The following MRTFB variants were observed in gnomAD, a reference collection of about 807,000 sequenced individuals.
MRTFB encodes the protein myocardin-related transcription factor B.
MRTFB carries 29 observed loss-of-function variants against 104.2 expected under a neutral mutation model. The ratio of observed to expected loss-of-function variants is 0.28; its 90% CI spans 0.21 to 0.38. MRTFB has a LOEUF of 0.38. Ranked by LOEUF, MRTFB falls within the 10% of genes least tolerant of loss-of-function variation. The probability of loss-of-function intolerance (pLI) is 1.00; values close to 1 mark genes in which losing one functional copy is unlikely to be tolerated. For synonymous variants in MRTFB, 535 were observed against 519.5 expected (o/e 1.03, Z -0.41); for missense variants, 1,270 against 1,341.6 (o/e 0.95, Z 0.83).
At chr16:14,144,963 T>A (rs867733899) in intron 3 of MRTFB, among the ~76,000 whole-genome samples, 142 of 129,422 alleles carry the variant, frequency 1.1e-3, no homozygotes, top group Middle Eastern at 3.8e-3. Flanking sequence ...AAAAAAAAAA[T>A]AAATAAATAT....
At chr16:14,039,549 A>C in the MRTFB span, among the ~76,000 whole-genome samples, 2 of 152,000 alleles carry the variant, frequency 1.3e-5, no homozygotes, top group Non-Finnish European at 2.9e-5. Context: ...TATTTTTCTC[A>C]TTACCTTATC....
At chr16:14,065,758 T>G in the MRTFB span, among the ~76,000 whole-genome samples, 6 of 152,112 alleles carry the variant, frequency 3.9e-5, no homozygotes, top group Admixed American at 3.3e-4. Context: ...AAAAAAATTT[T>G]TTTTAATGTA....
At chr16:14,117,540 ATGTC>A (rs2036604094) in intron 2 of MRTFB, among the ~76,000 whole-genome samples, 2 of 152,232 alleles carry the variant, frequency 1.3e-5, no homozygotes, top group African/African-American at 4.8e-5. Context: ...GAAAGGGACA[ATGTC>A]TGTTGTGTTT....
rs1198145314 is a variant in MRTFB, at chr16:14,261,214, G to C, written c.3070G>C (p.Gly1024Arg). 7.4e-6 allele frequency: 12 copies of C among 1,614,154 alleles called. No homozygotes were observed. Among genetic ancestry groups the C allele is most frequent in the Non-Finnish European group, 1.0e-5 (12 of 1,180,024 alleles). Residue 1024 changes from glycine (G) to arginine (R), a missense_variant, in exon 17 of 17, where the codon GGT becomes CGT. By Grantham distance (125) the Gly-to-Arg change is moderately radical. Coordinates refer to ENST00000571589, the MANE Select transcript of MRTFB (RefSeq NM_001308142.2). ...DLQNDLLSHS[G>R]MLDHSHSPME... The stretch of plus-strand genomic sequence containing the variant: ...CCAGAATGATCTGCTGAGTCACTCA[G>C]GTATGCTGGACCATTCACACTCACC...
At chr16:14,208,912 G>T (rs1597253662) in intron 3 of MRTFB, among the ~76,000 whole-genome samples, 1 of 152,130 alleles carries the variant, frequency 6.6e-6, no homozygotes, top group South Asian at 2.1e-4. Flanking sequence ...AATCTTGTCA[G>T]TTGCTTCAGT....
chr16:14,154,492 T>C (rs113246429), intron 3 of MRTFB, among the ~76,000 whole-genome samples: 108 of 152,318 alleles, frequency 7.1e-4, no homozygotes, highest in African/African-American at 2.4e-3. Flanking sequence ...ATTGCAATAT[T>C]TAGATCATTT....
At chr16:14,202,801 T>G (rs192085029) in intron 3 of MRTFB, among the ~76,000 whole-genome samples, 304 of 152,372 alleles carry the variant, frequency 2.0e-3, no homozygotes, top group Non-Finnish European at 3.5e-3. Flanking sequence ...CACTGCTATC[T>G]GATCAAACAC....
the MRTFB span, among the ~76,000 whole-genome samples, chr16:14,034,618 A>C: frequency 6.9e-6 from 1 of 145,636 alleles, no homozygotes. Flanking sequence ...CCATCTCACA[A>C]AAAAAAAAAA....
intron 8 of MRTFB, among the ~76,000 whole-genome samples, chr16:14,233,523 C>T (rs1184439163): frequency 1.3e-5 from 2 of 152,056 alleles, no homozygotes; most frequent in Admixed American, 6.6e-5. Flanking sequence ...CACAGTGGCT[C>T]ATGGGTGTAA....
At chr16:14,189,815 A>G (rs1199372692) in intron 3 of MRTFB, among the ~76,000 whole-genome samples, 3 of 151,974 alleles carry the variant, frequency 2.0e-5, no homozygotes, top group East Asian at 3.9e-4. Flanking sequence ...TTGGAAGGCT[A>G]CTCTGCTTCT....
intron 2 of MRTFB, among the ~76,000 whole-genome samples, chr16:14,127,913 ATATATATATATATATATTT>A (rs1282447314): frequency 2.6e-3 from 120 of 45,520 alleles, no homozygotes; most frequent in Non-Finnish European, 4.3e-3. Context: ...ATATATATAT[ATATATATATATATATATTT>A]TTTTTTTTTT....
At chr16:14,223,877 A>G (rs1021103122) in intron 8 of MRTFB, among the ~76,000 whole-genome samples, 1 of 152,372 alleles carries the variant, frequency 6.6e-6, no homozygotes, top group East Asian at 1.9e-4. Context: ...TTGCTTAACA[A>G]CAAGGATACA....
intron 9 of MRTFB, among the ~76,000 whole-genome samples, chr16:14,235,804 A>G (rs2042474297): frequency 6.6e-6 from 1 of 152,190 alleles, no homozygotes; most frequent in Non-Finnish European, 1.5e-5. Flanking sequence ...TTATCACTCT[A>G]CAACGATTAT....
intron 2 of MRTFB, among the ~76,000 whole-genome samples, chr16:14,106,084 C>T (rs2035959365): frequency 1.3e-5 from 2 of 152,182 alleles, no homozygotes. Context: ...CAGATATTTA[C>T]TGTACACTTG....
chr16:14,082,277 C>T (rs2034457294), intron 2 of MRTFB, among the ~76,000 whole-genome samples: 1 of 152,196 alleles, frequency 6.6e-6, no homozygotes, highest in Non-Finnish European at 1.5e-5. Context: ...GTTTTGCCAA[C>T]ACCATTTAGA....
rs554222476 is a variant in MRTFB, at chr16:14,211,755, C to T, written c.221-599C>T. Among the ~76,000 whole-genome samples, 4 of 152,138 alleles carry T rather than the reference C, an allele frequency of 2.6e-5. No homozygotes were observed. The South Asian group carries it at 8.3e-4, about 32-fold the overall frequency. On this transcript the variant is annotated intron_variant, in intron 4 of 16. Coordinates refer to ENST00000571589, the MANE Select transcript of MRTFB (RefSeq NM_001308142.2). Reference sequence around the variant, plus strand: ...GTGGTATGGTAGAAAGAGCATGAACCCTTCAAATTCAAAATTCTAGATTTA... The same window carrying T: ...GTGGTATGGTAGAAAGAGCATGAACTCTTCAAATTCAAAATTCTAGATTTA...
chr16:14,063,888 T>C, the MRTFB span, among the ~76,000 whole-genome samples: 9 of 152,224 alleles, frequency 5.9e-5, no homozygotes, highest in African/African-American at 1.7e-4. Context: ...GATGTGCATT[T>C]AGGTTGATTC....
At position 14,228,087 on chromosome 16, in the gene MRTFB, C is replaced by T. The variant is rs143079428; in HGVS notation, c.694-6059C>T. Among the ~76,000 whole-genome samples, 157 of 152,212 alleles carry T rather than the reference C, an allele frequency of 1.0e-3. 1 individual carries two copies. Among genetic ancestry groups the T allele is most frequent in the Non-Finnish European group, 2.0e-3 (137 of 68,010 alleles). The stretch of plus-strand genomic sequence containing the variant: ...AAATGCTAATCAAAACCACAAGATA[C>T]CACCTCATGCCCATTACAATGGCTA... On this transcript the variant is annotated intron_variant, in intron 8 of 16. Transcript: ENST00000571589.
At chr16:14,007,889 T>TAA in the MRTFB span, among the ~76,000 whole-genome samples, 9 of 152,250 alleles carry the variant, frequency 5.9e-5, no homozygotes, top group African/African-American at 1.9e-4. Context: ...GAGAAACGTC[T>TAA]ATTCAGATCC....
Sources: allele counts gnomAD v4.1 joint callset (sites outside exome capture counted in the v4.1 genomes callset), GRCh38; gene constraint gnomAD v4.1.1; transcripts MANE v1.5; gene names NCBI Gene and HGNC (gene_info 2026-07-23, HGNC 2026-07-21).